Variants in PHRF1 observed in about 807,000 individuals in gnomAD.
PHRF1 encodes the protein PHD and RING finger domain-containing protein 1.
Under a neutral mutation model 128.9 loss-of-function variants are expected in PHRF1, and 53 were observed. The ratio of observed to expected loss-of-function variants is 0.41; its 90% CI spans 0.33 to 0.52. The LOEUF (loss-of-function observed/expected upper bound fraction) is 0.52. Ranked by LOEUF, PHRF1 falls within the 20% of genes least tolerant of loss-of-function variation. PHRF1 has a pLI of 0.21. For synonymous variants in PHRF1, 1,178 were observed against 980.6 expected (o/e 1.20, Z -3.76); for missense variants, 2,503 against 2,284.5 (o/e 1.10, Z -1.95).
rs200505264 is a variant in PHRF1, at chr11:607,819, C to G, written c.2363C>G (p.Ser788Cys). 1.2e-6 allele frequency: 2 copies of G among 1,612,800 alleles called. No individual in the cohort carries two copies. Among genetic ancestry groups the G allele is most frequent in the Non-Finnish European group, 1.7e-6 (2 of 1,179,884 alleles). ...RINIPGNMAH[S>C]SQLSSPGFCN... is the part of the protein sequence containing the mutation. The stretch of plus-strand genomic sequence containing the variant: ...AATATTCCTGGAAACATGGCACATT[C>G]CAGCCAGCTCTCCAGCCCTGGCTTC... Residue 788 changes from serine to cysteine, a missense_variant, in exon 14 of 18, where the codon TCC becomes TGC. Coordinates refer to ENST00000264555, the MANE Select transcript of PHRF1 (RefSeq NM_001286581.2).
At chr11:582,139 G>A in intron 3 of PHRF1, 58 bp downstream of exon 3, 1 of 1,549,032 alleles carries the variant, frequency 6.5e-7, no homozygotes, top group East Asian at 2.5e-5. Flanking sequence ...GATGGGGACA[G>A]CCTTTTATAA....
intron 3 of PHRF1, among the ~76,000 whole-genome samples, chr11:585,989 G>T (rs960901554): frequency 6.6e-6 from 1 of 152,066 alleles, no homozygotes; most frequent in African/African-American, 2.4e-5. Flanking sequence ...AGCCTCCCAA[G>T]TAGCTGGGAT....
rs1589882121 is a variant in PHRF1, at chr11:597,058, C to T, written c.718+38C>T. On this transcript the variant is annotated intron_variant, in intron 7 of 17. Transcript: ENST00000264555. The surrounding 1 kb of genome is among the most constrained non-coding windows in gnomAD (Gnocchi z 6.5). The stretch of plus-strand genomic sequence containing the variant: ...CTCCCGTCCCAAGGCGCACATGGGC[C>T]TTCTCACTGTCCACTCTGCGGTCCC... 1 of 1,595,602 alleles carries T rather than the reference C, an allele frequency of 6.3e-7. No individual in the cohort carries two copies. The highest frequency in any genetic ancestry group is 1.1e-5 in the South Asian group (1 of 89,818).
chr11:585,234 C>T (rs796519013), intron 3 of PHRF1, among the ~76,000 whole-genome samples: 1 of 150,496 alleles, frequency 6.6e-6, no homozygotes, highest in Non-Finnish European at 1.5e-5. Flanking sequence ...AGGTAGTAGC[C>T]CTTTCCAGCT....
intron 9 of PHRF1, among the ~76,000 whole-genome samples, chr11:599,236 CTTTTTTTTTTTCTTTTCT>C (rs1855487038): frequency 1.6e-5 from 2 of 125,012 alleles, no homozygotes; most frequent in South Asian, 2.7e-4. Context: ...CATACTTTTT[CTTTTTTTTTTTCTTTTCT>C]TTTTTTTTTT....
chr11:597,362 G>A lies in PHRF1; in HGVS notation c.719-33G>A. 6.3e-7 allele frequency: 1 copy of A among 1,598,462 alleles called. No individual in the cohort carries two copies. Among genetic ancestry groups the A allele is most frequent in the Non-Finnish European group, 8.5e-7 (1 of 1,171,202 alleles). On this transcript the variant is annotated intron_variant, in intron 7 of 17. Coordinates refer to ENST00000264555, the MANE Select transcript of PHRF1 (RefSeq NM_001286581.2). This position sits in a 1 kb window ranked among gnomAD's most constrained non-coding sequence, Gnocchi z 6.5. ...GTTGGGGGAGGCGTGTGGCCTGTGA[G>A]TGTGGCACATCAGCCCTGGTGGTTC... is the stretch of plus-strand genomic sequence containing the variant.
In PHRF1 at chr11:607,484, C is replaced by T; in HGVS notation, c.2028C>T (p.Ile676=). The part of the protein sequence containing the change: ...PLKPAPRRTD[I]SELPRIPKIR... ...AGCCAGCGCCCAGAAGAACAGACAT[C>T]TCTGAGCTACCCAGGATACCAAAGA... is the stretch of plus-strand genomic sequence containing the variant. The change falls in exon 14 of 18, where the codon ATC becomes ATT. Residue 676 remains isoleucine (I), a synonymous_variant. Transcript: ENST00000264555. The T allele has an allele frequency of 6.2e-7, 1 of 1,612,888 alleles. No homozygotes were observed. The highest frequency in any genetic ancestry group is 1.1e-5 in the South Asian group (1 of 91,090).
intron 4 of PHRF1, among the ~76,000 whole-genome samples, 166 bp downstream of exon 4, chr11:587,630 T>C (rs1235019730): frequency 6.6e-6 from 1 of 152,162 alleles, no homozygotes; most frequent in Non-Finnish European, 1.5e-5. Context: ...GTGAGCACCA[T>C]GGCTCTTGGG....
chr11:590,520 A>G (rs1854904665), intron 4 of PHRF1, among the ~76,000 whole-genome samples: 1 of 152,188 alleles, frequency 6.6e-6, no homozygotes, highest in African/African-American at 2.4e-5. Flanking sequence ...CCCGAAGACC[A>G]GGGTGGGTAC....
At chr11:577,307 C>T (rs1186408326) in intron 1 of PHRF1, among the ~76,000 whole-genome samples, 1 of 152,242 alleles carries the variant, frequency 6.6e-6, no homozygotes, top group Non-Finnish European at 1.5e-5. Flanking sequence ...CTCCTTTTGA[C>T]GGGGCTTGTG....
rs189408818 is a variant in PHRF1, at chr11:577,502, G to A, written c.-22+910G>A. 5.9e-5 allele frequency among the ~76,000 whole-genome samples: 9 copies of A among 152,374 alleles called. No individual in the cohort carries two copies. In the South Asian group the frequency reaches 1.2e-3, roughly 21 times the overall value. ...CATCCGGTTTTCTTTCTTATTGGAA[G>A]AATGTTAAGTCAGAGTGCTAGTGGA... On this transcript the variant is annotated intron_variant, in intron 1 of 17. Coordinates refer to ENST00000264555, the MANE Select transcript of PHRF1 (RefSeq NM_001286581.2).
intron 5 of PHRF1, among the ~76,000 whole-genome samples, chr11:591,900 C>G (rs1854991497): frequency 1.3e-5 from 2 of 151,836 alleles, no homozygotes; most frequent in South Asian, 2.1e-4. Flanking sequence ...GCATGAGCTA[C>G]CACACCCGGC....
intron 4 of PHRF1, 99 bp from the exon 5 acceptor site, chr11:591,285 G>T: frequency 9.4e-7 from 1 of 1,067,212 alleles, no homozygotes. Context: ...CTGGCGCATG[G>T]AGGCATTTAG....
intron 13 of PHRF1, 68 bp downstream of exon 13, chr11:606,664 T>C: frequency 6.7e-7 from 1 of 1,499,198 alleles, no homozygotes; most frequent in South Asian, 1.3e-5. Context: ...TCGCAAGCAC[T>C]CAGCCCATGT....
chr11:600,566 C>T (rs778427467), intron 9 of PHRF1, among the ~76,000 whole-genome samples: 35 of 149,390 alleles, frequency 2.3e-4, no homozygotes, highest in Non-Finnish European at 4.9e-4. Flanking sequence ...CACAGTGGCT[C>T]GCACCTGTAA....
At chr11:610,906 G>C (rs1379400766) in intron 16 of PHRF1, 48 bp from the exon 17 acceptor site, 2 of 1,603,376 alleles carry the variant, frequency 1.2e-6, no homozygotes, top group Admixed American at 3.4e-5. Flanking sequence ...CTGGCCAGAG[G>C]GACTCCCGGC....
In PHRF1 at chr11:601,627, A is replaced by G. The variant is rs752114114; in HGVS notation, c.1078A>G (p.Lys360Glu). 3.1e-6 allele frequency: 5 copies of G among 1,613,794 alleles called. No homozygotes were observed. The highest frequency in any genetic ancestry group is 1.7e-5 in the Admixed American group (1 of 60,004). ...GAAAACCCCGTCCGGACCATCCGCA[A>G]AAAGTAAGAGCTCAGCGACAAGATC... is the stretch of plus-strand genomic sequence containing the variant. ...RKKTPSGPSAKSKSSATRSKK... is the reference protein window; with the variant it reads ...RKKTPSGPSAESKSSATRSKK... Residue 360 changes from lysine (K) to glutamate (E), a missense_variant, in exon 10 of 18, where the codon AAA becomes GAA. Transcript: ENST00000264555.
At position 596,968 on chromosome 11, in the gene PHRF1, G is replaced by A. The variant is rs1027074192; in HGVS notation, c.666G>A (p.Val222=). 3.0e-5 allele frequency: 49 copies of A among 1,613,794 alleles called. No individual in the cohort carries two copies. The highest frequency in any genetic ancestry group is 4.0e-5 in the Non-Finnish European group (47 of 1,179,894). The part of the protein sequence containing the change: ...CLDPPLQEVP[V]DEWFCPECAA... ...ACCCCCCTCTCCAGGAGGTGCCGGT[G>A]GACGAGTGGTTCTGCCCGGAATGTG... The change falls in exon 7 of 18, where the codon GTG becomes GTA. Residue 222 remains valine (V), a synonymous_variant. Transcript: ENST00000264555.
In PHRF1 at chr11:597,050, A is replaced by T. The variant is rs1423216486; in HGVS notation, c.718+30A>T. On this transcript the variant is annotated intron_variant, in intron 7 of 17. Transcript: ENST00000264555. The surrounding 1 kb of genome is among the most constrained non-coding windows in gnomAD (Gnocchi z 6.5). ...GGACACTGCTCCCGTCCCAAGGCGC[A>T]CATGGGCCTTCTCACTGTCCACTCT... 6.2e-7 allele frequency: 1 copy of T among 1,605,450 alleles called. No homozygotes were observed. The highest frequency in any genetic ancestry group is 8.5e-7 in the Non-Finnish European group (1 of 1,173,398).
Sources: allele counts gnomAD v4.1 joint callset (sites outside exome capture counted in the v4.1 genomes callset), GRCh38; gene constraint gnomAD v4.1.1; non-coding constraint Gnocchi (gnomAD v3.1); transcripts MANE v1.5; gene names NCBI Gene and HGNC (gene_info 2026-07-23, HGNC 2026-07-21).